RAP1B: variants seen among roughly 807,000 people sequenced by gnomAD.
RAP1B encodes RAP1B, member of RAS oncogene family, also known as ras-related protein Rap-1b.
RAP1B carries 1 observed loss-of-function variant against 27.5 expected under a neutral mutation model. The ratio of observed to expected loss-of-function variants is 0.04; its 90% CI spans 0.01 to 0.17. The LOEUF (loss-of-function observed/expected upper bound fraction) is 0.17. Among genes scored for constraint, RAP1B ranks in the 10% least tolerant of loss-of-function variants. The pLI, the probability that RAP1B is intolerant of heterozygous loss-of-function variation, is 1.00. For missense variants in RAP1B, 84 were observed against 214.8 expected (o/e 0.39, Z 3.81); for synonymous variants, 75 against 73.1 (o/e 1.03, Z -0.13).
In RAP1B at chr12:68,664,174, G is replaced by T. The variant is rs1874748437; in HGVS notation, c.*4925G>T. 6.6e-6 allele frequency: 1 copy of T among 152,000 alleles called. No individual in the cohort carries two copies. Among genetic ancestry groups the T allele is most frequent in the African/African-American group, 2.4e-5 (1 of 41,370 alleles). The allele number at this position is 152,000 out of a possible 1,614,324, so 9.4% of individuals were successfully genotyped here. A position where few individuals can be genotyped will look rare whatever the true frequency, so the allele number is the denominator to read the frequency against. On this transcript the variant is annotated 3_prime_UTR_variant, in exon 8 of 8. Coordinates refer to ENST00000250559, the MANE Select transcript of RAP1B (RefSeq NM_001010942.3). ...AAAACAGCACACACATATATTACAG[G>T]ATTTTTATGTAATAATATATTCACT...
intron 2 of RAP1B, chr12:68,649,095 T>A (rs1873629109): frequency 4.3e-6 from 1 of 234,506 alleles, no homozygotes; most frequent in African/African-American, 2.3e-5. Flanking sequence ...ATTTTGGTCT[T>A]TTTATTTATT....
At chr12:68,646,583 C>T (rs534249860) in intron 1 of RAP1B, among the ~76,000 whole-genome samples, 36 of 152,284 alleles carry the variant, frequency 2.4e-4, no homozygotes, top group African/African-American at 2.6e-4. Context: ...CCACTGCGCC[C>T]GGCCCACTAC....
At chr12:68,637,737 G>A (rs1872730572) in intron 1 of RAP1B, among the ~76,000 whole-genome samples, 1 of 150,806 alleles carries the variant, frequency 6.6e-6, no homozygotes. Flanking sequence ...CTCCAAAGAT[G>A]ATACAGTATT....
At chr12:68,616,511 A>T (rs999185628) in intron 1 of RAP1B, among the ~76,000 whole-genome samples, 2 of 141,704 alleles carry the variant, frequency 1.4e-5, no homozygotes, top group African/African-American at 5.4e-5. Context: ...CAGTGGTGCA[A>T]TCTCAGCTCA....
chr12:68,617,143 C>T (rs531601621), intron 1 of RAP1B, among the ~76,000 whole-genome samples: 21 of 152,226 alleles, frequency 1.4e-4, no homozygotes, highest in Admixed American at 1.3e-3. Flanking sequence ...AATTCAGGGA[C>T]TTTCTAAGTT....
chr12:68,638,044 A>G (rs1032971791), intron 1 of RAP1B, among the ~76,000 whole-genome samples: 7 of 152,128 alleles, frequency 4.6e-5, no homozygotes, highest in Non-Finnish European at 7.4e-5. Flanking sequence ...TTAAAATTCC[A>G]TTGTTCAACT....
rs370583722 is a variant in RAP1B at position 68,666,929 on chromosome 12, A to C, written c.*7680A>C. On this transcript the variant is annotated 3_prime_UTR_variant, in exon 8 of 8. Coordinates refer to ENST00000250559, the MANE Select transcript of RAP1B (RefSeq NM_001010942.3). ...AAGTCTGGGATTAGGTGAGACTTTA[A>C]TGAGTCCATCAGAGGTTTAGTATGG... 1 of 152,168 alleles carries C rather than the reference A, an allele frequency of 6.6e-6. No homozygotes were observed. The highest frequency in any genetic ancestry group is 1.5e-5 in the Non-Finnish European group (1 of 68,018). The allele number at this position is 152,168 out of a possible 1,614,324, so 9.4% of individuals were successfully genotyped here.
At chr12:68,618,154 C>A (rs1440543089) in intron 1 of RAP1B, among the ~76,000 whole-genome samples, 3 of 121,394 alleles carry the variant, frequency 2.5e-5, no homozygotes, top group Non-Finnish European at 4.8e-5. Flanking sequence ...GTGGCACAAT[C>A]TTCGCTCAGT....
At position 68,662,008 on chromosome 12, in the gene RAP1B, C is replaced by CTATATATATATATATA. The variant is rs63676662; in HGVS notation, c.*2769_*2784dup. 3.2e-4 allele frequency: 43 copies of CTATATATATATATATA among 133,888 alleles called. No individual in the cohort carries two copies. Among genetic ancestry groups the CTATATATATATATATA allele is most frequent in the South Asian group, 4.8e-4 (2 of 4,144 alleles). The allele number at this position is 133,888 out of a possible 1,614,324, so 8.3% of individuals were successfully genotyped here. On this transcript the variant is annotated 3_prime_UTR_variant, in exon 8 of 8. Coordinates refer to ENST00000250559, the MANE Select transcript of RAP1B (RefSeq NM_001010942.3). ...TGAATGCCAGTGCTATCCTCTAGGT[C>CTATATATATATATATA]TATATATATATATATATATATATAT...
chr12:68,634,298 A>G (rs1233325625), intron 1 of RAP1B, among the ~76,000 whole-genome samples: 1 of 152,226 alleles, frequency 6.6e-6, no homozygotes, highest in East Asian at 1.9e-4. Context: ...TAAGAAGTAG[A>G]TACTTTTATT....
At chr12:68,611,678 G>A (rs914302746) in intron 1 of RAP1B, among the ~76,000 whole-genome samples, 2 of 152,146 alleles carry the variant, frequency 1.3e-5, no homozygotes, top group African/African-American at 4.8e-5. Context: ...CAGGAGGAAG[G>A]CAGCGGAGAG....
Position 68,668,357 on chromosome 12 carries a change from G to GT in RAP1B, c.*9115dup, listed in dbSNP as rs970040828. The stretch of plus-strand genomic sequence containing the variant: ...CTAAGACTATTATAATAAGGAAGGG[G>GT]TTTTTTTCTTAGCCCAGTTACTACT... On this transcript the variant is annotated 3_prime_UTR_variant, in exon 8 of 8. Transcript: ENST00000250559. The GT allele has an allele frequency of 2.0e-5, 3 of 152,064 alleles. No homozygotes were observed. Among genetic ancestry groups the GT allele is most frequent in the Admixed American group, 1.3e-4 (2 of 15,256 alleles). 9.4% of individuals were successfully genotyped at this position (152,064 alleles called of 1,614,324 possible). A position where few individuals can be genotyped will look rare whatever the true frequency, so the allele number is the denominator to read the frequency against.
In RAP1B at chr12:68,651,122, G is replaced by C. The variant is rs1027471010; in HGVS notation, c.126+654G>C. 2.0e-5 allele frequency among the ~76,000 whole-genome samples: 3 copies of C among 152,184 alleles called. No individual in the cohort carries two copies. In the East Asian group the frequency reaches 5.8e-4, roughly 29 times the overall value. ...AGCTCATGTGTGGAATTTTCCACTT[G>C]TAGCGTGATGTTCCACACATGGCTC... On this transcript the variant is annotated intron_variant, in intron 3 of 7. Transcript: ENST00000250559.
intron 1 of RAP1B, among the ~76,000 whole-genome samples, chr12:68,618,323 T>C (rs994674596): frequency 6.6e-6 from 1 of 151,330 alleles, no homozygotes; most frequent in Non-Finnish European, 1.5e-5. Flanking sequence ...CTCCTCACCT[T>C]GTGATCTGCC....
intron 3 of RAP1B, 184 bp from the exon 4 acceptor site, chr12:68,651,811 G>A (rs931215767): frequency 7.5e-6 from 4 of 531,184 alleles, no homozygotes; most frequent in African/African-American, 5.7e-5. Context: ...TACAATTTGG[G>A]GGTCTTTGAA....
intron 2 of RAP1B, 54 bp from the exon 3 acceptor site, chr12:68,650,346 A>G: frequency 7.0e-7 from 1 of 1,425,914 alleles, no homozygotes; most frequent in Non-Finnish European, 9.4e-7. Context: ...TACATTAAAG[A>G]TTGAATGTAC....
chr12:68,641,496 A>T (rs1433434569), intron 1 of RAP1B, among the ~76,000 whole-genome samples: 3 of 152,264 alleles, frequency 2.0e-5, no homozygotes, highest in African/African-American at 7.2e-5. Context: ...TCTGTAGAGT[A>T]AATGGAAAAA....
chr12:68,632,572 C>G (rs1872344685), intron 1 of RAP1B, among the ~76,000 whole-genome samples: 1 of 151,214 alleles, frequency 6.6e-6, no homozygotes, highest in Non-Finnish European at 1.5e-5. Flanking sequence ...AAAATTTTGA[C>G]TAAAGTTGAA....
intron 5 of RAP1B, among the ~76,000 whole-genome samples, chr12:68,656,059 TC>T (rs1874182870): frequency 6.6e-6 from 1 of 152,226 alleles, no homozygotes; most frequent in Non-Finnish European, 1.5e-5. Context: ...TCTCTTTTCT[TC>T]CCTTTGGAGT....
Sources: allele counts gnomAD v4.1 joint callset (sites outside exome capture counted in the v4.1 genomes callset), GRCh38; gene constraint gnomAD v4.1.1; transcripts MANE v1.5; gene names NCBI Gene and HGNC (gene_info 2026-07-23, HGNC 2026-07-21).